ZNF385D: variants seen among roughly 807,000 people sequenced by gnomAD.
ZNF385D encodes the protein zinc finger protein 659.
ZNF385D carries 15 observed loss-of-function variants against 35.8 expected under a neutral mutation model. That is an observed-to-expected ratio of 0.42 (90% confidence interval 0.28 to 0.64). The LOEUF is 0.64. Among genes scored for constraint, ZNF385D ranks in the 30% least tolerant of loss-of-function variants. ZNF385D has a pLI of 0.23. For missense variants in ZNF385D, 474 were observed against 494.6 expected, an observed-to-expected ratio of 0.96 and a Z score of 0.39; for synonymous variants, 212 against 186.8, an observed-to-expected ratio of 1.13 and a Z score of -1.10.
At chr3:22,108,011 C>T (rs1399390234) in intron 3 of ZNF385D, among the ~76,000 whole-genome samples, 1 of 151,522 alleles carries the variant, frequency 6.6e-6, no homozygotes, top group Non-Finnish European at 1.5e-5. Context: ...CTGCCTTATA[C>T]CATGTGACGA....
chr3:22,103,270 G>A lies in ZNF385D; in HGVS notation c.325+65547C>T, dbSNP rs185024462. The stretch of plus-strand genomic sequence containing the variant: ...CCTGATAAACTGTGAGTTTCTTGAG[G>A]GCAAGGGCCATATCTAATCACTGTG... On this transcript the variant is annotated intron_variant, in intron 3 of 5. Coordinates refer to the ZNF385D transcript ENST00000494108. Among the ~76,000 whole-genome samples, 8 of 151,300 alleles carry A rather than the reference G, an allele frequency of 5.3e-5. No individual in the cohort carries two copies. In the East Asian group the frequency reaches 1.6e-3, roughly 29 times the overall value.
chr3:22,095,213 G>T (rs1273975685), intron 3 of ZNF385D, among the ~76,000 whole-genome samples: 1 of 150,536 alleles, frequency 6.6e-6, no homozygotes. Flanking sequence ...AGGTGTGAAC[G>T]ATAGCACCTG....
chr3:21,472,617 G>A (rs1000964540), intron 4 of ZNF385D, among the ~76,000 whole-genome samples: 10 of 152,044 alleles, frequency 6.6e-5, no homozygotes, highest in African/African-American at 1.4e-4. Flanking sequence ...CTTAATATGC[G>A]AACAAACTGC....
chr3:21,961,122 C>T (rs1469979709), intron 3 of ZNF385D, among the ~76,000 whole-genome samples: 1 of 151,900 alleles, frequency 6.6e-6, no homozygotes, highest in Non-Finnish European at 1.5e-5. Flanking sequence ...TGTTAATTAT[C>T]CTGATTTGAG....
intron 2 of ZNF385D, among the ~76,000 whole-genome samples, chr3:21,606,184 C>G (rs1414427407): frequency 7.9e-5 from 12 of 152,144 alleles, no homozygotes; most frequent in African/African-American, 2.7e-4. Context: ...TAAGATGATA[C>G]TCAAATCATG....
chr3:21,696,581 A>C (rs1485613668), intron 1 of ZNF385D, among the ~76,000 whole-genome samples: 1 of 152,228 alleles, frequency 6.6e-6, no homozygotes, highest in Middle Eastern at 3.2e-3. Context: ...CCATTTAATC[A>C]ATGAATAATA....
chr3:21,797,268 T>C (rs1209945423), intron 3 of ZNF385D, among the ~76,000 whole-genome samples: 1 of 152,096 alleles, frequency 6.6e-6, no homozygotes, highest in Non-Finnish European at 1.5e-5. Flanking sequence ...AAAATGCAAG[T>C]TAAAACAATT....
intron 3 of ZNF385D, among the ~76,000 whole-genome samples, chr3:21,859,799 TC>T (rs1240824693): frequency 6.6e-6 from 1 of 152,058 alleles, no homozygotes; most frequent in African/African-American, 2.4e-5. Context: ...TTGGGAAACT[TC>T]AAGTTGCTTC....
chr3:22,205,216 G>A (rs899205699), intron 2 of ZNF385D, among the ~76,000 whole-genome samples: 1 of 150,376 alleles, frequency 6.6e-6, no homozygotes, highest in South Asian at 2.1e-4. Flanking sequence ...GACATGACAG[G>A]TTTAAAATGC....
intron 3 of ZNF385D, among the ~76,000 whole-genome samples, chr3:22,127,091 T>A (rs1703477503): frequency 2.0e-5 from 3 of 152,196 alleles, no homozygotes; most frequent in Middle Eastern, 6.8e-3. Flanking sequence ...GTGTTTCTTA[T>A]AAGCAATAGA....
intron 4 of ZNF385D, among the ~76,000 whole-genome samples, chr3:21,444,396 T>C (rs975738357): frequency 6.7e-6 from 1 of 149,992 alleles, no homozygotes; most frequent in African/African-American, 2.4e-5. Flanking sequence ...TGTTTTTTTT[T>C]TTTTTTGAGA....
chr3:22,145,101 A>C (rs1417398423), intron 3 of ZNF385D, among the ~76,000 whole-genome samples: 1 of 152,142 alleles, frequency 6.6e-6, no homozygotes, highest in African/African-American at 2.4e-5. Context: ...TGTCCTATGT[A>C]CATACACACA....
intron 3 of ZNF385D, among the ~76,000 whole-genome samples, chr3:21,928,383 G>A (rs1450650840): frequency 6.6e-6 from 1 of 151,410 alleles, no homozygotes; most frequent in Non-Finnish European, 1.5e-5. Flanking sequence ...GAAAGCAAAG[G>A]AAGAAAGATG....
At chr3:22,324,428 T>C (rs57715734) in intron 2 of ZNF385D, among the ~76,000 whole-genome samples, 31 of 152,242 alleles carry the variant, frequency 2.0e-4, no homozygotes, top group African/African-American at 7.0e-4. Flanking sequence ...CTCTTCTATA[T>C]ACATAAATAG....
At chr3:21,984,964 G>A (rs928321959) in intron 3 of ZNF385D, among the ~76,000 whole-genome samples, 26 of 151,422 alleles carry the variant, frequency 1.7e-4, no homozygotes, top group African/African-American at 5.8e-4. Flanking sequence ...TTGGCTCTCT[G>A]TTTGTCTGTT....
intron 3 of ZNF385D, among the ~76,000 whole-genome samples, chr3:21,526,204 C>G (rs1021658109): frequency 8.6e-5 from 13 of 151,870 alleles, no homozygotes; most frequent in Admixed American, 3.9e-4. Context: ...AAAAGTATTC[C>G]AAAATTTAGT....
intron 3 of ZNF385D, among the ~76,000 whole-genome samples, chr3:21,989,780 G>A (rs1446252917): frequency 6.6e-6 from 1 of 152,046 alleles, no homozygotes; most frequent in Admixed American, 6.5e-5. Flanking sequence ...ACTGACCCAG[G>A]TTACACAAAA....
At chr3:21,922,332 C>G (rs1270703925) in intron 3 of ZNF385D, among the ~76,000 whole-genome samples, 1 of 151,970 alleles carries the variant, frequency 6.6e-6, no homozygotes, top group African/African-American at 2.4e-5. Flanking sequence ...ACAGAAAAAG[C>G]ACTCATAAGC....
chr3:21,594,025 A>G (rs1428672438), intron 2 of ZNF385D, among the ~76,000 whole-genome samples: 3 of 152,162 alleles, frequency 2.0e-5, no homozygotes, highest in Admixed American at 1.3e-4. Flanking sequence ...ACCAGCAGAC[A>G]GTAGACGCAC....
Sources: allele counts gnomAD v4.1 joint callset (sites outside exome capture counted in the v4.1 genomes callset), GRCh38; gene constraint gnomAD v4.1.1; transcripts MANE v1.5; gene names NCBI Gene and HGNC (gene_info 2026-07-23, HGNC 2026-07-21).